Variants in LRFN5 observed in about 807,000 individuals in gnomAD.
LRFN5 encodes the protein leucine rich repeat and fibronectin type III domain containing 5, also known as leucine-rich repeat and fibronectin type-III domain-containing protein 5.
LRFN5 carries 24 observed loss-of-function variants against 45.6 expected under a neutral mutation model. That is an observed-to-expected ratio of 0.53 (90% CI 0.38 to 0.74). The LOEUF is 0.74. Ranked by LOEUF, LRFN5 falls within the 30% of genes least tolerant of loss-of-function variation. The pLI is 0.00. For synonymous variants in LRFN5, 340 were observed against 313.8 expected, an observed-to-expected ratio of 1.08 and a Z score of -0.88; for missense variants, 776 against 861.5, an observed-to-expected ratio of 0.90 and a Z score of 1.24.
intron 1 of LRFN5, among the ~76,000 whole-genome samples, chr14:41,705,501 C>T (rs17181574): frequency 0.024 from 3,689 of 152,194 alleles, 42 homozygotes; most frequent in Middle Eastern, 0.037. Flanking sequence ...ATTACTCTTA[C>T]GTCATATGCA....
At chr14:41,791,334 A>G (rs1423588620) in intron 2 of LRFN5, among the ~76,000 whole-genome samples, 2 of 152,060 alleles carry the variant, frequency 1.3e-5, no homozygotes, top group African/African-American at 2.4e-5. Context: ...CTACAAATGC[A>G]GATGATCAGT....
chr14:41,674,734 C>T (rs1881507490), intron 1 of LRFN5, among the ~76,000 whole-genome samples: 1 of 151,858 alleles, frequency 6.6e-6, no homozygotes, highest in South Asian at 2.1e-4. Context: ...GACGGGGTGG[C>T]TGCCGGGCGG....
In LRFN5 at chr14:41,773,561, GTCTC is replaced by G. The variant is rs376391727; in HGVS notation, c.-21+6544_-21+6547del. On this transcript the variant is annotated intron_variant, in intron 2 of 5. Transcript: ENST00000298119. ...AGCATTTTCCTCTCTCTCTCTCTTT[GTCTC>G]TCTCTCTCTCTGTCTCTTTCTCTTT... is the stretch of plus-strand genomic sequence containing the variant. 8.0e-5 allele frequency among the ~76,000 whole-genome samples: 12 copies of G among 149,960 alleles called. No individual in the cohort carries two copies. The East Asian group carries it at 1.8e-3, about 22-fold the overall frequency.
chr14:41,711,666 G>A (rs1354466566), intron 1 of LRFN5, among the ~76,000 whole-genome samples: 1 of 152,140 alleles, frequency 6.6e-6, no homozygotes, highest in Admixed American at 6.5e-5. Context: ...AGCAATCACA[G>A]TTTCTTTCTA....
intron 1 of LRFN5, among the ~76,000 whole-genome samples, chr14:41,704,812 G>A (rs1882997737): frequency 6.6e-6 from 1 of 151,830 alleles, no homozygotes; most frequent in Non-Finnish European, 1.5e-5. Context: ...AAGATATTTT[G>A]GGAGAGGAAA....
chr14:41,711,997 T>C (rs1379956210), intron 1 of LRFN5, among the ~76,000 whole-genome samples: 2 of 152,182 alleles, frequency 1.3e-5, no homozygotes, highest in Admixed American at 1.3e-4. Context: ...TGAAAAATAA[T>C]GTTGTAATTA....
At position 41,643,263 on chromosome 14, in the gene LRFN5, G is replaced by A. The variant is rs1879661714; in HGVS notation, c.-197+34701G>A. Among the ~76,000 whole-genome samples the A allele has an allele frequency of 2.0e-5, 3 of 152,090 alleles. No individual in the cohort carries two copies. The South Asian group carries it at 6.2e-4, about 32-fold the overall frequency. On this transcript the variant is annotated intron_variant, in intron 1 of 5. Coordinates refer to ENST00000298119, the MANE Select transcript of LRFN5 (RefSeq NM_152447.5). Reference sequence around the variant, plus strand: ...TAATTCCATTACATTTTTCCAAACTGTTTGAGTGAATAAAGCTGACTAAAT... The same window carrying A: ...TAATTCCATTACATTTTTCCAAACTATTTGAGTGAATAAAGCTGACTAAAT...
chr14:41,738,312 G>T (rs927210764), intron 1 of LRFN5, among the ~76,000 whole-genome samples: 2 of 152,050 alleles, frequency 1.3e-5, no homozygotes, highest in Non-Finnish European at 2.9e-5. Flanking sequence ...ACTGAAACTG[G>T]ATTCCTTCCT....
intron 2 of LRFN5, among the ~76,000 whole-genome samples, chr14:41,883,048 C>T (rs940466652): frequency 4.0e-5 from 6 of 151,818 alleles, no homozygotes; most frequent in Admixed American, 2.0e-4. Flanking sequence ...GGGGTTTCAC[C>T]GTATTGGCCA....
Position 41,900,483 on chromosome 14 carries a change from TTAAAG to T in LRFN5, c.2142+1527_2142+1531del, listed in dbSNP as rs752054858. Reference sequence around the variant, plus strand: ...AGGCTTTGAATAATAACTTTTTATCTTAAAGTAATTAGTATTACAAAAAATAAGAA... The same window carrying T: ...AGGCTTTGAATAATAACTTTTTATCTTAATTAGTATTACAAAAAATAAGAA... On this transcript the variant is annotated intron_variant, in intron 5 of 5. Transcript: ENST00000298119. 2.1e-4 allele frequency among the ~76,000 whole-genome samples: 32 copies of T among 152,180 alleles called. No individual in the cohort carries two copies. The East Asian group carries it at 6.0e-3, about 28-fold the overall frequency.
chr14:41,775,511 T>C (rs1462039332), intron 2 of LRFN5, among the ~76,000 whole-genome samples: 2 of 152,184 alleles, frequency 1.3e-5, no homozygotes, highest in African/African-American at 4.8e-5. Context: ...TGGATTACTA[T>C]GCTAAATCTT....
At chr14:41,636,833 A>G (rs1207950702) in intron 1 of LRFN5, among the ~76,000 whole-genome samples, 1 of 152,126 alleles carries the variant, frequency 6.6e-6, no homozygotes, top group Non-Finnish European at 1.5e-5. Flanking sequence ...AGGTTCAAAA[A>G]AGCTTACTAG....
In LRFN5 at chr14:41,616,779, T is replaced by A. The variant is rs140988165; in HGVS notation, c.-197+8217T>A. ...CATTTGATGTGAATTCAAATAGTTGTCAAGATCAACACACCACATCTAGGT... is the reference window on the plus strand; with the variant it reads ...CATTTGATGTGAATTCAAATAGTTGACAAGATCAACACACCACATCTAGGT... On this transcript the variant is annotated intron_variant, in intron 1 of 5. Coordinates refer to ENST00000298119, the MANE Select transcript of LRFN5 (RefSeq NM_152447.5). Among the ~76,000 whole-genome samples, 462 of 152,130 alleles carry A rather than the reference T, an allele frequency of 3.0e-3. 15 individuals carry two copies. The highest frequency in any genetic ancestry group is 0.026 in the Admixed American group (403 of 15,258).
chr14:41,687,917 C>T (rs1355164416), intron 1 of LRFN5, among the ~76,000 whole-genome samples: 1 of 152,124 alleles, frequency 6.6e-6, no homozygotes, highest in African/African-American at 2.4e-5. Context: ...ACTATCTGTA[C>T]ATGTATCCCC....
At position 41,742,134 on chromosome 14, in the gene LRFN5, C is replaced by T. The variant is rs548337768; in HGVS notation, c.-196-24720C>T. On this transcript the variant is annotated intron_variant, in intron 1 of 5. Transcript: ENST00000298119. ...ATTTTCCAAGAACTAAAAGTAGATT[C>T]CATATGACCCCAAAAATGTTACTTT... Among the ~76,000 whole-genome samples, 10 of 151,856 alleles carry T rather than the reference C, an allele frequency of 6.6e-5. No homozygotes were observed. The South Asian group carries it at 2.1e-3, about 31-fold the overall frequency.
chr14:41,735,258 ATT>A (rs1158068416), intron 1 of LRFN5, among the ~76,000 whole-genome samples: 2 of 112,970 alleles, frequency 1.8e-5, no homozygotes, highest in East Asian at 7.2e-4. Context: ...ATTCACCTTT[ATT>A]TTTATTTTTA....
intron 1 of LRFN5, among the ~76,000 whole-genome samples, chr14:41,687,531 C>T (rs933476083): frequency 4.6e-5 from 7 of 152,248 alleles, no homozygotes; most frequent in Non-Finnish European, 7.4e-5. Context: ...TAAAGACACA[C>T]GCACACATGT....
intron 2 of LRFN5, among the ~76,000 whole-genome samples, chr14:41,885,466 T>C (rs983069057): frequency 2.6e-5 from 4 of 152,000 alleles, no homozygotes; most frequent in African/African-American, 4.8e-5. Context: ...AAAATGAAAA[T>C]TGTCAAAGTG....
Position 41,901,315 on chromosome 14 carries a change from T to C in LRFN5, c.2142+2355T>C, listed in dbSNP as rs1469926707. On this transcript the variant is annotated intron_variant, in intron 5 of 5. Transcript: ENST00000298119. ...AAGGAACACAGTAAAACAATAGTTA[T>C]GCTGTTCGGCAGTTAAGTAAGAAAT... Among the ~76,000 whole-genome samples, 3 of 152,064 alleles carry C rather than the reference T, an allele frequency of 2.0e-5. No individual in the cohort carries two copies. In the East Asian group the frequency reaches 5.8e-4, roughly 29 times the overall value.
Sources: allele counts gnomAD v4.1 joint callset (sites outside exome capture counted in the v4.1 genomes callset), GRCh38; gene constraint gnomAD v4.1.1; transcripts MANE v1.5; gene names NCBI Gene and HGNC (gene_info 2026-07-23, HGNC 2026-07-21).